NECAB1: variants seen among roughly 807,000 people sequenced by gnomAD.
NECAB1 encodes N-terminal EF-hand calcium-binding protein 1.
NECAB1 carries 29 observed loss-of-function variants against 57.5 expected under a neutral mutation model. That is an observed-to-expected ratio of 0.50 (90% CI 0.38 to 0.69). The LOEUF (loss-of-function observed/expected upper bound fraction) is 0.69, where lower values mean the gene tolerates loss of function less well. Among genes scored for constraint, NECAB1 ranks in the 30% least tolerant of loss-of-function variants. The probability of loss-of-function intolerance (pLI) is 0.00; values close to 1 mark genes in which losing one functional copy is unlikely to be tolerated. For missense variants in NECAB1, 372 were observed against 413.8 expected (o/e 0.90, Z 0.88); for synonymous variants, 142 against 147.7 (o/e 0.96, Z 0.28).
At chr8:90,853,266 G>A (rs1812722740) in intron 3 of NECAB1, among the ~76,000 whole-genome samples, 1 of 152,262 alleles carries the variant, frequency 6.6e-6, no homozygotes, top group Non-Finnish European at 1.5e-5. Context: ...GTGGACTCCA[G>A]TTCCTGCCTC....
At chr8:90,842,057 G>C (rs1038115392) in intron 3 of NECAB1, among the ~76,000 whole-genome samples, 2 of 152,204 alleles carry the variant, frequency 1.3e-5, no homozygotes, top group Non-Finnish European at 2.9e-5. Flanking sequence ...AGAGGAGAAA[G>C]AGCATGAGGA....
chr8:90,881,420 C>T (rs1487365332), intron 5 of NECAB1, among the ~76,000 whole-genome samples: 2 of 152,162 alleles, frequency 1.3e-5, no homozygotes, highest in African/African-American at 2.4e-5. Context: ...TCTTGTCCCT[C>T]CCCAAATCCC....
chr8:90,905,511 T>C (rs768001752), intron 5 of NECAB1, among the ~76,000 whole-genome samples: 14 of 152,162 alleles, frequency 9.2e-5, no homozygotes, highest in Non-Finnish European at 2.1e-4. Flanking sequence ...TTCATACATA[T>C]TGTTTTAGCT....
chr8:90,914,353 A>G (rs1809900935), intron 5 of NECAB1, among the ~76,000 whole-genome samples: 1 of 152,252 alleles, frequency 6.6e-6, no homozygotes, highest in African/African-American at 2.4e-5. Context: ...AATCCTATGA[A>G]GAGAAGTGGT....
intron 5 of NECAB1, among the ~76,000 whole-genome samples, chr8:90,906,889 A>ATATGTGTATATATATATATATGTG (rs1809676856): frequency 1.4e-5 from 1 of 72,856 alleles, no homozygotes; most frequent in African/African-American, 5.7e-5. Flanking sequence ...ATATATATAT[A>ATATGTGTATATATATATATATGTG]TATATATATA....
chr8:90,867,305 A>T lies in NECAB1; in HGVS notation c.234-4823A>T, dbSNP rs147834090. On this transcript the variant is annotated intron_variant, in intron 3 of 12. Transcript: ENST00000417640. ...CTGTTTATTCTTTTGGAAATTCAAA[A>T]TAAATCTCATTATGAAGCTGCAAAC... Among the ~76,000 whole-genome samples the T allele has an allele frequency of 2.9e-3, 443 of 152,360 alleles. 1 individual carries two copies. Among genetic ancestry groups the T allele is most frequent in the East Asian group, 0.026 (133 of 5,188 alleles).
At chr8:90,854,520 T>C (rs1392303604) in intron 3 of NECAB1, among the ~76,000 whole-genome samples, 1 of 152,200 alleles carries the variant, frequency 6.6e-6, no homozygotes, top group Admixed American at 6.5e-5. Context: ...TGAAAACCTG[T>C]CCCCTAATCC....
At chr8:90,832,589 G>A (rs184611578) in intron 3 of NECAB1, among the ~76,000 whole-genome samples, 15 of 152,144 alleles carry the variant, frequency 9.9e-5, no homozygotes, top group Admixed American at 9.8e-4. Context: ...AATTTCTAAA[G>A]GAAATGCTTA....
intron 1 of NECAB1, among the ~76,000 whole-genome samples, chr8:90,801,066 G>T (rs1437548107): frequency 6.6e-6 from 1 of 152,154 alleles, no homozygotes. Flanking sequence ...CTTTACCCAT[G>T]ATGTATTATT....
chr8:90,870,969 G>A (rs1472392779), intron 3 of NECAB1, among the ~76,000 whole-genome samples: 1 of 152,186 alleles, frequency 6.6e-6, no homozygotes, highest in Non-Finnish European at 1.5e-5. Context: ...CTAAGATCAA[G>A]TATTTAGTGT....
chr8:90,800,116 T>G (rs1811736656), intron 1 of NECAB1, among the ~76,000 whole-genome samples: 1 of 152,238 alleles, frequency 6.6e-6, no homozygotes, highest in Admixed American at 6.5e-5. Flanking sequence ...TGAATGCTAT[T>G]GCTGCATAGA....
intron 6 of NECAB1, among the ~76,000 whole-genome samples, chr8:90,924,869 G>A (rs961082814): frequency 4.0e-5 from 6 of 151,844 alleles, no homozygotes; most frequent in Admixed American, 2.0e-4. Flanking sequence ...AAAAATTAAA[G>A]ACATAGCAAT....
intron 5 of NECAB1, among the ~76,000 whole-genome samples, chr8:90,904,167 GC>G (rs1446564924): frequency 1.3e-5 from 2 of 152,128 alleles, no homozygotes; most frequent in East Asian, 3.9e-4. Flanking sequence ...AGATGATGGT[GC>G]CCCCAGATAC....
intron 2 of NECAB1, among the ~76,000 whole-genome samples, chr8:90,804,386 A>G (rs1277816281): frequency 1.3e-5 from 2 of 151,986 alleles, no homozygotes; most frequent in African/African-American, 2.4e-5. Flanking sequence ...GTAGGGAGGT[A>G]ATAGTTGAAG....
At chr8:90,920,165 A>C (rs1435183121) in intron 6 of NECAB1, among the ~76,000 whole-genome samples, 1 of 152,186 alleles carries the variant, frequency 6.6e-6, no homozygotes, top group Non-Finnish European at 1.5e-5. Context: ...ACTGCAGTTT[A>C]AGGGGTGCTG....
chr8:90,928,384 GC>G, intron 8 of NECAB1, 85 bp downstream of exon 8: 1 of 969,036 alleles, frequency 1.0e-6, no homozygotes, highest in Admixed American at 2.6e-5. Context: ...ATCCATGACT[GC>G]CCCATAGATA....
At chr8:90,837,041 C>T (rs1812380474) in intron 3 of NECAB1, among the ~76,000 whole-genome samples, 1 of 152,164 alleles carries the variant, frequency 6.6e-6, no homozygotes, top group Non-Finnish European at 1.5e-5. Flanking sequence ...TGATAAAATG[C>T]ACTTTAACAC....
At chr8:90,842,985 T>C (rs1812479419) in intron 3 of NECAB1, among the ~76,000 whole-genome samples, 1 of 152,164 alleles carries the variant, frequency 6.6e-6, no homozygotes, top group Non-Finnish European at 1.5e-5. Context: ...AAGAAATACC[T>C]GAGACTGGGT....
At position 90,957,353 on chromosome 8, in the gene NECAB1, G is replaced by C. The variant is rs1323341770; in HGVS notation, c.*1841G>C. ...TATCAAATATTTTGGGTACTAGGCA[G>C]TTTCCAAAGTAGCATGGTAGTATTA... is the stretch of plus-strand genomic sequence containing the variant. On this transcript the variant is annotated 3_prime_UTR_variant, in exon 13 of 13. Coordinates refer to ENST00000417640, the MANE Select transcript of NECAB1 (RefSeq NM_022351.5). The C allele has an allele frequency of 6.6e-6, 1 of 151,802 alleles. No individual in the cohort carries two copies. The highest frequency in any genetic ancestry group is 1.5e-5 in the Non-Finnish European group (1 of 67,850). The allele number at this position is 151,802 out of a possible 1,614,324, so 9.4% of individuals were successfully genotyped here.
Sources: allele counts gnomAD v4.1 joint callset (sites outside exome capture counted in the v4.1 genomes callset), GRCh38; gene constraint gnomAD v4.1.1; transcripts MANE v1.5; gene names NCBI Gene and HGNC (gene_info 2026-07-23, HGNC 2026-07-21).